The following ALCAM variants were observed in gnomAD, a reference collection of about 807,000 sequenced individuals.
ALCAM encodes the protein activated leukocyte cell adhesion molecule.
ALCAM carries 30 observed loss-of-function variants against 70.9 expected under a neutral mutation model. The ratio of observed to expected loss-of-function variants is 0.42; its 90% confidence interval spans 0.32 to 0.57. The LOEUF is 0.57. Among genes scored for constraint, ALCAM ranks in the 20% least tolerant of loss-of-function variants. ALCAM has a pLI of 0.11. For missense variants in ALCAM, 591 were observed against 695.1 expected (o/e 0.85, Z 1.68); for synonymous variants, 249 against 242.5 (o/e 1.03, Z -0.25).
chr3:105,408,062 G>GACACAAACAAATGAAA (rs1291834695), intron 1 of ALCAM, among the ~76,000 whole-genome samples: 1 of 151,982 alleles, frequency 6.6e-6, no homozygotes, highest in Non-Finnish European at 1.5e-5. Context: ...AATAATACAT[G>GACACAAACAAATGAAA]ACACAAACAA....
intron 14 of ALCAM, among the ~76,000 whole-genome samples, chr3:105,567,606 A>G (rs535090220): frequency 6.6e-6 from 1 of 152,258 alleles, no homozygotes; most frequent in South Asian, 2.1e-4. Context: ...CAATATCAAT[A>G]TTCTAGTTTT....
chr3:105,425,330 C>T (rs1394125239), intron 1 of ALCAM, among the ~76,000 whole-genome samples: 2 of 151,512 alleles, frequency 1.3e-5, no homozygotes, highest in Non-Finnish European at 1.5e-5. Flanking sequence ...TGTTATATAC[C>T]TAGGCTTGAG....
chr3:105,380,126 A>G (rs1308043871), intron 1 of ALCAM, among the ~76,000 whole-genome samples: 1 of 151,928 alleles, frequency 6.6e-6, no homozygotes, highest in Admixed American at 6.6e-5. Context: ...TTTTAACCAA[A>G]TGGTTACAGA....
At chr3:105,541,888 G>A in intron 8 of ALCAM, 123 bp downstream of exon 8, 3 of 1,184,814 alleles carry the variant, frequency 2.5e-6, no homozygotes, top group Non-Finnish European at 3.6e-6. Context: ...AATAGATGCA[G>A]TAGAGAGAGA....
At chr3:105,500,495 C>T (rs914615828) in intron 1 of ALCAM, among the ~76,000 whole-genome samples, 10 of 152,132 alleles carry the variant, frequency 6.6e-5, no homozygotes, top group South Asian at 4.2e-4. Flanking sequence ...ATTTAATATA[C>T]GAAAGTTAAT....
intron 7 of ALCAM, 77 bp downstream of exon 7, chr3:105,540,179 T>A: frequency 1.4e-6 from 2 of 1,392,686 alleles, no homozygotes; most frequent in Non-Finnish European, 1.9e-6. Flanking sequence ...ATAGATTAAG[T>A]GAGAAAAAAT....
intron 1 of ALCAM, among the ~76,000 whole-genome samples, chr3:105,382,800 T>A (rs1183577237): frequency 1.3e-5 from 2 of 152,042 alleles, no homozygotes; most frequent in Non-Finnish European, 2.9e-5. Context: ...TGTTTTTTTC[T>A]TGTAAATTTG....
At chr3:105,378,001 G>A (rs982944901) in intron 1 of ALCAM, among the ~76,000 whole-genome samples, 16 of 151,866 alleles carry the variant, frequency 1.1e-4, no homozygotes, top group Middle Eastern at 3.4e-3. Flanking sequence ...ATCATATTTC[G>A]AACAATTATT....
intron 1 of ALCAM, among the ~76,000 whole-genome samples, chr3:105,480,220 C>G (rs1361701056): frequency 6.6e-6 from 1 of 151,850 alleles, no homozygotes; most frequent in Non-Finnish European, 1.5e-5. Flanking sequence ...CGTGGTGGCA[C>G]GTGCCTATAA....
intron 1 of ALCAM, among the ~76,000 whole-genome samples, chr3:105,382,136 G>C (rs1287881107): frequency 7.7e-6 from 1 of 129,980 alleles, no homozygotes. Flanking sequence ...TCCCCTTCCT[G>C]TGTCCATGTG....
chr3:105,514,973 T>C (rs1939342298), intron 1 of ALCAM, among the ~76,000 whole-genome samples: 1 of 151,912 alleles, frequency 6.6e-6, no homozygotes. Flanking sequence ...TTTCACAAAA[T>C]GACATTAGAT....
rs1221577052 is a variant in ALCAM, at chr3:105,575,365, A to G, written c.*914A>G. 6.6e-6 allele frequency: 1 copy of G among 152,594 alleles called. No homozygotes were observed. The highest frequency in any genetic ancestry group is 1.5e-5 in the Non-Finnish European group (1 of 68,024). 9.5% of individuals were successfully genotyped at this position (152,594 alleles called of 1,614,324 possible). A position where few individuals can be genotyped will look rare whatever the true frequency, so the allele number is the denominator to read the frequency against. On this transcript the variant is annotated 3_prime_UTR_variant, in exon 16 of 16. Transcript: ENST00000306107. ...GGGTTATCCACTGCCTTAAAATTATACCTATTTCATGTTTAAAAAGATATC... is the reference window on the plus strand; with the variant it reads ...GGGTTATCCACTGCCTTAAAATTATGCCTATTTCATGTTTAAAAAGATATC...
At chr3:105,536,554 GT>G (rs1388662682) in intron 6 of ALCAM, among the ~76,000 whole-genome samples, 12 of 152,150 alleles carry the variant, frequency 7.9e-5, no homozygotes, top group African/African-American at 2.4e-4. Flanking sequence ...GCAGAGTTGG[GT>G]AGACGGAGAA....
intron 1 of ALCAM, among the ~76,000 whole-genome samples, chr3:105,514,989 C>T (rs1157513388): frequency 2.0e-5 from 3 of 151,862 alleles, no homozygotes. Flanking sequence ...TAGATTTCAT[C>T]AGGTAACTTC....
intron 1 of ALCAM, among the ~76,000 whole-genome samples, chr3:105,413,060 C>T (rs1936426782): frequency 1.3e-5 from 2 of 152,034 alleles, no homozygotes; most frequent in Non-Finnish European, 2.9e-5. Flanking sequence ...TCTTGCCATT[C>T]AGGTAGACCC....
chr3:105,471,420 G>A (rs1442833845), intron 1 of ALCAM, among the ~76,000 whole-genome samples: 1 of 151,232 alleles, frequency 6.6e-6, no homozygotes, highest in East Asian at 1.9e-4. Flanking sequence ...TGGAAAATGG[G>A]TCCAGGTAAA....
chr3:105,387,247 C>A (rs1222663121), intron 1 of ALCAM, among the ~76,000 whole-genome samples: 1 of 151,524 alleles, frequency 6.6e-6, no homozygotes, highest in Non-Finnish European at 1.5e-5. Flanking sequence ...CACACACACA[C>A]ACACACTCAC....
chr3:105,367,891 C>A (rs1935109411), intron 1 of ALCAM, among the ~76,000 whole-genome samples: 1 of 152,130 alleles, frequency 6.6e-6, no homozygotes, highest in African/African-American at 2.4e-5. Context: ...GATGAAATAA[C>A]TGCCGGCACT....
rs1472056310 is a variant in ALCAM at position 105,540,081 on chromosome 3, G to A, written c.837G>A (p.Glu279=). ...TAGGGAATGGCAACCCTCCCCCAGA[G>A]GAATTTTTGTTTTACTTACCAGTAA... The part of the protein sequence containing the change: ...KCLGNGNPPP[E]EFLFYLPGQP... The change falls in exon 7 of 16, where the codon GAG becomes GAA. Residue 279 remains glutamate (E), a synonymous_variant. Coordinates refer to ENST00000306107, the MANE Select transcript of ALCAM (RefSeq NM_001627.4). 6.2e-6 allele frequency: 10 copies of A among 1,611,510 alleles called. No homozygotes were observed. Among genetic ancestry groups the A allele is most frequent in the East Asian group, 2.2e-5 (1 of 44,798 alleles).
Sources: gnomAD v4.1 joint callset for allele counts (sites outside exome capture counted in the v4.1 genomes callset) on GRCh38, gnomAD v4.1.1 for gene constraint, MANE v1.5 for transcripts, NCBI Gene and HGNC (gene_info 2026-07-23, HGNC 2026-07-21) for gene names.